FN3KRP: variants seen among roughly 807,000 people sequenced by gnomAD.
FN3KRP encodes the protein ketosamine-3-kinase.
In FN3KRP, 33 loss-of-function variants were observed where a neutral mutation model predicts 29.8. The ratio of observed to expected loss-of-function variants is 1.11; its 90% CI spans 0.84 to 1.48. The LOEUF is 1.48. Among genes scored for constraint, FN3KRP ranks in the 40% most tolerant of loss-of-function variants. The pLI is 0.00. For synonymous variants in FN3KRP, 157 were observed against 155.2 expected, an observed-to-expected ratio of 1.01 and a Z score of -0.09; for missense variants, 430 against 402.6, an observed-to-expected ratio of 1.07 and a Z score of -0.58.
chr17:82,725,289 T>C (rs1215941379), intron 4 of FN3KRP, among the ~76,000 whole-genome samples: 1 of 151,516 alleles, frequency 6.6e-6, no homozygotes, highest in African/African-American at 2.4e-5. Flanking sequence ...CCACCACACT[T>C]GGCTAATTTT....
At chr17:82,725,462 A>T (rs1200952111) in intron 4 of FN3KRP, among the ~76,000 whole-genome samples, 3 of 151,246 alleles carry the variant, frequency 2.0e-5, no homozygotes, top group Non-Finnish European at 3.0e-5. Flanking sequence ...TATTTAATTT[A>T]TTTTTTTGAA....
At position 82,727,208 on chromosome 17, in the gene FN3KRP, T is replaced by C; in HGVS notation, c.*37T>C. The C allele has an allele frequency of 6.4e-7, 1 of 1,573,044 alleles. No homozygotes were observed. Among genetic ancestry groups the C allele is most frequent in the Non-Finnish European group, 8.7e-7 (1 of 1,151,268 alleles). Reference sequence around the variant, plus strand: ...TCTGGAAGGAGGCCTCAGAGGTTTCTCCACAGTCCTCTTCTGGGCAAATTC... The same window carrying C: ...TCTGGAAGGAGGCCTCAGAGGTTTCCCCACAGTCCTCTTCTGGGCAAATTC... On this transcript the variant is annotated 3_prime_UTR_variant, in exon 6 of 6. Transcript: ENST00000269373.
At chr17:82,723,861 G>C (rs2046818921) in intron 4 of FN3KRP, among the ~76,000 whole-genome samples, 1 of 152,084 alleles carries the variant, frequency 6.6e-6, no homozygotes, top group Admixed American at 6.5e-5. Flanking sequence ...ACTGTCTGGG[G>C]AGGGGCTGTC....
chr17:82,719,974 G>C (rs1341234036), intron 2 of FN3KRP, among the ~76,000 whole-genome samples: 1 of 152,062 alleles, frequency 6.6e-6, no homozygotes, highest in Non-Finnish European at 1.5e-5. Flanking sequence ...GACCAGTCTG[G>C]CCAACACAGT....
At position 82,718,901 on chromosome 17, in the gene FN3KRP, G is replaced by C; in HGVS notation, c.142-5G>C. 1.2e-6 allele frequency: 2 copies of C among 1,611,332 alleles called. No individual in the cohort carries two copies. Among genetic ancestry groups the C allele is most frequent in the Non-Finnish European group, 1.7e-6 (2 of 1,177,998 alleles). On this transcript the variant is annotated splice_region_variant and splice_polypyrimidine_tract_variant and intron_variant, in intron 1 of 5. Coordinates refer to ENST00000269373, the MANE Select transcript of FN3KRP (RefSeq NM_024619.4). ...TTTCCACTTCCTCTCGTATTTTTCTGACAGGCCAGAAGAATGTTTGAAGGT... is the reference window on the plus strand; with the variant it reads ...TTTCCACTTCCTCTCGTATTTTTCTCACAGGCCAGAAGAATGTTTGAAGGT...
chr17:82,725,799 G>C (rs936824515), intron 4 of FN3KRP, among the ~76,000 whole-genome samples: 2 of 152,202 alleles, frequency 1.3e-5, no homozygotes, highest in African/African-American at 4.8e-5. Flanking sequence ...CTATGACAAG[G>C]AAAATCCAGA....
At chr17:82,722,198 G>C (rs1054253947) in intron 3 of FN3KRP, among the ~76,000 whole-genome samples, 1 of 151,720 alleles carries the variant, frequency 6.6e-6, no homozygotes, top group Non-Finnish European at 1.5e-5. Context: ...GCAATGGAGC[G>C]ATCTCGGCTC....
At chr17:82,726,630 C>A (rs772489192) in intron 5 of FN3KRP, 28 bp downstream of exon 5, 1 of 1,595,108 alleles carries the variant, frequency 6.3e-7, no homozygotes. Flanking sequence ...GCATGCCCAG[C>A]ACCTGCCACA....
At position 82,727,081 on chromosome 17, in the gene FN3KRP, T is replaced by A; in HGVS notation, c.840T>A (p.Tyr280Ter). 1 of 1,614,154 alleles carries A rather than the reference T, an allele frequency of 6.2e-7. No homozygotes were observed. The highest frequency in any genetic ancestry group is 8.5e-7 in the Non-Finnish European group (1 of 1,180,042). The change falls in exon 6 of 6, where the codon TAT becomes TAA. Residue 280 changes from tyrosine (Y) to a stop codon, truncating the protein, a stop_gained. Coordinates refer to ENST00000269373, the MANE Select transcript of FN3KRP (RefSeq NM_024619.4). LOFTEE classifies it high-confidence loss of function. Reference sequence around the variant, plus strand: ...GATTCGAGAAGCGCCTTCAGTTGTATCAGCTCTTTCACTACTTGAACCACT... The same window carrying A: ...GATTCGAGAAGCGCCTTCAGTTGTAACAGCTCTTTCACTACTTGAACCACT... ...APGFEKRLQL[Y>*]QLFHYLNHWN...
chr17:82,727,518 C>G lies in FN3KRP; in HGVS notation c.*347C>G, dbSNP rs2046847361. On this transcript the variant is annotated 3_prime_UTR_variant, in exon 6 of 6. Coordinates refer to ENST00000269373, the MANE Select transcript of FN3KRP (RefSeq NM_024619.4). ...CGGTGCGCAGGGAGGTGGCCAGCGC[C>G]CCCGGGCACTGCTGCTCATAGGTAC... 4.6e-6 allele frequency: 1 copy of G among 217,054 alleles called. No individual in the cohort carries two copies. The highest frequency in any genetic ancestry group is 2.3e-5 in the African/African-American group (1 of 43,960). The allele number at this position is 217,054 out of a possible 1,614,324, so 13.4% of individuals were successfully genotyped here.
chr17:82,719,992 T>C (rs2451207), intron 2 of FN3KRP, among the ~76,000 whole-genome samples: 150,300 of 152,132 alleles, frequency 0.99, 74,273 homozygotes, highest in South Asian at 1. Flanking sequence ...AGTGAAACCC[T>C]GCCTCTACTA....
chr17:82,720,310 A>G lies in FN3KRP; in HGVS notation c.332A>G (p.His111Arg). 2 of 1,614,028 alleles carry G rather than the reference A, an allele frequency of 1.2e-6. No individual in the cohort carries two copies. Among genetic ancestry groups the G allele is most frequent in the South Asian group, 1.1e-5 (1 of 91,082 alleles). The change falls in exon 3 of 6, where the codon CAC (histidine) becomes CGC (arginine). Residue 111 changes from histidine to arginine, a missense_variant. His to Arg is a conservative substitution (Grantham distance 29, BLOSUM62 0). Coordinates refer to ENST00000269373, the MANE Select transcript of FN3KRP (RefSeq NM_024619.4). ...AKLGAQLADL[H>R]LDNKKLGEMR... ...CTTGGAGCCCAGCTGGCCGATTTAC[A>G]CCTTGATAACAAGAAGCTTGGAGAG...
intron 3 of FN3KRP, among the ~76,000 whole-genome samples, chr17:82,721,945 C>T (rs1171016863): frequency 6.6e-6 from 1 of 151,870 alleles, no homozygotes; most frequent in Admixed American, 6.6e-5. Context: ...AGTGATTCTC[C>T]TGCCTCAGCC....
At chr17:82,722,301 A>T (rs2046803483) in intron 3 of FN3KRP, among the ~76,000 whole-genome samples, 1 of 152,094 alleles carries the variant, frequency 6.6e-6, no homozygotes, top group Non-Finnish European at 1.5e-5. Context: ...TGCCTAGCTA[A>T]TTTTTATATG....
chr17:82,725,345 T>G (rs1424145773), intron 4 of FN3KRP, among the ~76,000 whole-genome samples: 2 of 152,100 alleles, frequency 1.3e-5, no homozygotes, highest in Non-Finnish European at 2.9e-5. Context: ...TTGCCCAGGC[T>G]GGTCTCAAAC....
intron 4 of FN3KRP, 105 bp downstream of exon 4, chr17:82,722,991 T>A: frequency 1.0e-6 from 1 of 1,001,284 alleles, no homozygotes; most frequent in South Asian, 1.6e-5. Flanking sequence ...TCAGTAAAAG[T>A]ATTTGCACCA....
chr17:82,722,765 C>T, intron 3 of FN3KRP, 39 bp from the exon 4 acceptor site: 1 of 1,603,328 alleles, frequency 6.2e-7, no homozygotes, highest in Non-Finnish European at 8.5e-7. Flanking sequence ...GCTGGGATCC[C>T]TTGGAACTAA....
rs773166303 is a variant in FN3KRP, at chr17:82,726,959, G to A, written c.718G>A (p.Gly240Ser). The A allele has an allele frequency of 1.2e-6, 2 of 1,613,722 alleles. No homozygotes were observed. Among genetic ancestry groups the A allele is most frequent in the East Asian group, 4.5e-5 (2 of 44,876 alleles). The change falls in exon 6 of 6, where the codon GGC becomes AGC. Residue 240 changes from glycine (G) to serine (S), a missense_variant. Coordinates refer to ENST00000269373, the MANE Select transcript of FN3KRP (RefSeq NM_024619.4). ...GATTTTTGACCCAGCTTCTTTCTAC[G>A]GCCACTCGGAATATGAGCTGGCAAT... ...PVIFDPASFYGHSEYELAIAG... is the reference protein window; with the variant it reads ...PVIFDPASFYSHSEYELAIAG...
Position 82,727,209 on chromosome 17 carries a change from CCA to C in FN3KRP, c.*41_*42del. ...CTGGAAGGAGGCCTCAGAGGTTTCT[CCA>C]CAGTCCTCTTCTGGGCAAATTCTTG... is the stretch of plus-strand genomic sequence containing the variant. On this transcript the variant is annotated 3_prime_UTR_variant, in exon 6 of 6. Transcript: ENST00000269373. 1 of 1,572,026 alleles carries C rather than the reference CCA, an allele frequency of 6.4e-7. No homozygotes were observed.
Sources: gnomAD v4.1 joint callset for allele counts (sites outside exome capture counted in the v4.1 genomes callset) on GRCh38, gnomAD v4.1.1 for gene constraint, MANE v1.5 for transcripts, NCBI Gene and HGNC (gene_info 2026-07-23, HGNC 2026-07-21) for gene names.